Variants in SLC38A4 observed in about 807,000 individuals in gnomAD.
SLC38A4 encodes solute carrier family 38 member 4, also known as sodium-coupled neutral amino acid transporter 4.
SLC38A4 carries 20 observed loss-of-function variants against 63.1 expected under a neutral mutation model. That is an observed-to-expected ratio of 0.32 (90% CI 0.22 to 0.46). The LOEUF (loss-of-function observed/expected upper bound fraction) is 0.46, where lower values mean the gene tolerates loss of function less well. Ranked by LOEUF, SLC38A4 falls within the 20% of genes least tolerant of loss-of-function variation. The probability of loss-of-function intolerance (pLI) is 1.00; values close to 1 mark genes in which losing one functional copy is unlikely to be tolerated. For missense variants in SLC38A4, 526 were observed against 663.6 expected, an observed-to-expected ratio of 0.79 and a Z score of 2.28; for synonymous variants, 230 against 225.5, an observed-to-expected ratio of 1.02 and a Z score of -0.18.
At chr12:46,821,833 T>A (rs1342752445) in intron 1 of SLC38A4, among the ~76,000 whole-genome samples, 1 of 152,148 alleles carries the variant, frequency 6.6e-6, no homozygotes, top group Non-Finnish European at 1.5e-5. Flanking sequence ...ACCCAAGATG[T>A]GTTCCCATTT....
intron 7 of SLC38A4, among the ~76,000 whole-genome samples, chr12:46,783,219 TTG>T: frequency 6.8e-6 from 1 of 146,192 alleles, no homozygotes; most frequent in Non-Finnish European, 1.5e-5. Flanking sequence ...GATGGATAAA[TTG>T]ATAGATGATA....
At position 46,764,776 on chromosome 12, in the gene SLC38A4, C is replaced by A. The variant is rs534327875; in HGVS notation, c.*1925G>T. ...TCACATCATAGTCATTTGAAAAGTT[C>A]ATTTATTATATACCAATATACACTT... On this transcript the variant is annotated 3_prime_UTR_variant, in exon 17 of 17. Coordinates refer to ENST00000266579, the MANE Select transcript of SLC38A4 (RefSeq NM_018018.5). The A allele has an allele frequency of 6.6e-6, 1 of 152,270 alleles. No homozygotes were observed. The highest frequency in any genetic ancestry group is 1.9e-4 in the East Asian group (1 of 5,182). 9.4% of individuals were successfully genotyped at this position (152,270 alleles called of 1,614,324 possible). A position where few individuals can be genotyped will look rare whatever the true frequency, so the allele number is the denominator to read the frequency against.
intron 1 of SLC38A4, among the ~76,000 whole-genome samples, chr12:46,818,230 A>G (rs1939477972): frequency 2.0e-5 from 3 of 151,912 alleles, no homozygotes; most frequent in Non-Finnish European, 4.4e-5. Context: ...TCTGTAAACT[A>G]TTGGTAGGTT....
chr12:46,815,419 C>G (rs890243679), intron 1 of SLC38A4, among the ~76,000 whole-genome samples: 4 of 151,376 alleles, frequency 2.6e-5, no homozygotes, highest in African/African-American at 9.7e-5. Context: ...TTCCTCTCTT[C>G]CATCCTTCCC....
chr12:46,804,257 G>C (rs970847781), intron 1 of SLC38A4, among the ~76,000 whole-genome samples: 1 of 151,860 alleles, frequency 6.6e-6, no homozygotes, highest in Non-Finnish European at 1.5e-5. Context: ...ACCAACGGCA[G>C]TGTGCTGAGT....
upstream of SLC38A4, among the ~76,000 whole-genome samples, chr12:46,829,364 A>T (rs1292473321): frequency 6.6e-6 from 1 of 151,944 alleles, no homozygotes; most frequent in Non-Finnish European, 1.5e-5. Flanking sequence ...AATCATTTTG[A>T]TATATTATTG....
At chr12:46,799,420 G>A (rs983207425) in intron 2 of SLC38A4, among the ~76,000 whole-genome samples, 1 of 152,064 alleles carries the variant, frequency 6.6e-6, no homozygotes, top group Non-Finnish European at 1.5e-5. Flanking sequence ...TGCCCAACAT[G>A]GCAAAGCTCC....
chr12:46,789,844 A>G (rs930033547), intron 3 of SLC38A4, among the ~76,000 whole-genome samples: 1 of 152,194 alleles, frequency 6.6e-6, no homozygotes, highest in Non-Finnish European at 1.5e-5. Flanking sequence ...TGGGAGGCTG[A>G]GGTGGGTGGA....
chr12:46,817,423 G>A (rs1433248014), intron 1 of SLC38A4, among the ~76,000 whole-genome samples: 1 of 151,214 alleles, frequency 6.6e-6, no homozygotes, highest in African/African-American at 2.4e-5. Context: ...AGAAACTTCT[G>A]ATAACTTTAA....
intron 7 of SLC38A4, among the ~76,000 whole-genome samples, chr12:46,782,868 A>G (rs995179188): frequency 6.7e-6 from 1 of 148,702 alleles, no homozygotes; most frequent in East Asian, 2.0e-4. Context: ...GGTCCATCAG[A>G]CTCCAAAAGC....
chr12:46,801,079 A>C (rs1007182027), intron 2 of SLC38A4, among the ~76,000 whole-genome samples: 1 of 152,196 alleles, frequency 6.6e-6, no homozygotes, highest in African/African-American at 2.4e-5. Flanking sequence ...TGGATTTTCT[A>C]GCACAGCAGT....
intron 3 of SLC38A4, among the ~76,000 whole-genome samples, chr12:46,790,544 C>T (rs750142555): frequency 2.0e-5 from 3 of 152,048 alleles, no homozygotes; most frequent in Non-Finnish European, 2.9e-5. Flanking sequence ...CTAAAATGGG[C>T]CTGAGGACTA....
Position 46,796,879 on chromosome 12 carries a change from T to C in SLC38A4, c.-112-3696A>G, listed in dbSNP as rs545457366. ...CTGATCACTGGTTGCCCATGATCTA[T>C]GCCTCCTCTTTGTCTTTATCGACTT... On this transcript the variant is annotated intron_variant, in intron 2 of 16. Coordinates refer to ENST00000266579, the MANE Select transcript of SLC38A4 (RefSeq NM_018018.5). Among the ~76,000 whole-genome samples the C allele has an allele frequency of 2.6e-5, 4 of 152,252 alleles. No individual in the cohort carries two copies. The South Asian group carries it at 8.3e-4, about 32-fold the overall frequency.
upstream of SLC38A4, among the ~76,000 whole-genome samples, chr12:46,828,959 T>C (rs910456867): frequency 6.6e-6 from 1 of 152,208 alleles, no homozygotes; most frequent in African/African-American, 2.4e-5. Flanking sequence ...AACACCCTTG[T>C]TTCCTTAAGT....
chr12:46,798,722 T>C (rs1326421883), intron 2 of SLC38A4, among the ~76,000 whole-genome samples: 1 of 152,194 alleles, frequency 6.6e-6, no homozygotes, highest in Non-Finnish European at 1.5e-5. Flanking sequence ...ATATGGCACT[T>C]ACCACATGCC....
intron 2 of SLC38A4, among the ~76,000 whole-genome samples, chr12:46,798,474 G>T (rs546516525): frequency 6.6e-6 from 1 of 152,088 alleles, no homozygotes; most frequent in Non-Finnish European, 1.5e-5. Context: ...AGCCCCTCTA[G>T]GGGGCCATAG....
chr12:46,766,484 G>T lies in SLC38A4; in HGVS notation c.*217C>A. Reference sequence around the variant, plus strand: ...GCTCTAGCAAAACCTGGGTAGAAATGTGCACCACAGGTTTTATTTTAAACA... The same window carrying T: ...GCTCTAGCAAAACCTGGGTAGAAATTTGCACCACAGGTTTTATTTTAAACA... On this transcript the variant is annotated 3_prime_UTR_variant, in exon 17 of 17. Transcript: ENST00000266579. 1 of 642,700 alleles carries T rather than the reference G, an allele frequency of 1.6e-6. No homozygotes were observed. The highest frequency in any genetic ancestry group is 3.1e-5 in the East Asian group (1 of 32,312). 39.8% of individuals were successfully genotyped at this position (642,700 alleles called of 1,614,324 possible). A position where few individuals can be genotyped will look rare whatever the true frequency, so the allele number is the denominator to read the frequency against.
At chr12:46,798,628 A>G (rs1015233211) in intron 2 of SLC38A4, among the ~76,000 whole-genome samples, 2 of 152,164 alleles carry the variant, frequency 1.3e-5, no homozygotes, top group African/African-American at 4.8e-5. Context: ...TCTACTTTGT[A>G]TATTAATAGG....
intron 5 of SLC38A4, among the ~76,000 whole-genome samples, chr12:46,787,062 G>C (rs563024177): frequency 6.6e-6 from 1 of 152,200 alleles, no homozygotes. Context: ...GTCTGTCATA[G>C]ACAGTGCAGT....
Sources: gnomAD v4.1 joint callset for allele counts (sites outside exome capture counted in the v4.1 genomes callset) on GRCh38, gnomAD v4.1.1 for gene constraint, MANE v1.5 for transcripts, NCBI Gene and HGNC (gene_info 2026-07-23, HGNC 2026-07-21) for gene names.